BEST3: variants seen among roughly 807,000 people sequenced by gnomAD.
BEST3 encodes bestrophin 3, also known as bestrophin-3.
In BEST3, 50 loss-of-function variants were observed where a neutral mutation model predicts 47.1. The ratio of observed to expected loss-of-function variants is 1.06; its 90% CI spans 0.85 to 1.34. The LOEUF is 1.34. Among genes scored for constraint, BEST3 ranks in the 40% most tolerant of loss-of-function variants. The probability of loss-of-function intolerance (pLI) is 0.00; values close to 1 mark genes in which losing one functional copy is unlikely to be tolerated. For missense variants in BEST3, 765 were observed against 817.0 expected (o/e 0.94, Z 0.78); for synonymous variants, 282 against 298.8 (o/e 0.94, Z 0.58).
intron 9 of BEST3, among the ~76,000 whole-genome samples, chr12:69,656,482 C>G (rs185008809): frequency 1.3e-5 from 2 of 151,936 alleles, no homozygotes; most frequent in Non-Finnish European, 2.9e-5. Flanking sequence ...CCCCCCTTAA[C>G]AATGGATCAT....
intron 4 of BEST3, among the ~76,000 whole-genome samples, chr12:69,690,320 A>G (rs950987160): frequency 1.3e-5 from 2 of 152,236 alleles, no homozygotes; most frequent in Non-Finnish European, 2.9e-5. Context: ...GAAAGGGAAA[A>G]GTCTGAATGC....
intron 9 of BEST3, among the ~76,000 whole-genome samples, chr12:69,658,859 G>A (rs1391078358): frequency 1.3e-5 from 2 of 152,178 alleles, no homozygotes; most frequent in African/African-American, 2.4e-5. Context: ...TCCTTGGACC[G>A]TGCCATGAAG....
chr12:69,684,677 T>G, intron 4 of BEST3: 2 of 571,234 alleles, frequency 3.5e-6, no homozygotes, highest in Non-Finnish European at 6.8e-6. Context: ...TCAGGAAGAG[T>G]GCAACGTGCC....
intron 9 of BEST3, among the ~76,000 whole-genome samples, chr12:69,661,931 G>A (rs1482756031): frequency 1.3e-5 from 2 of 152,248 alleles, no homozygotes; most frequent in East Asian, 3.9e-4. Context: ...CTACCACCCT[G>A]GTTATGTTCT....
chr12:69,654,527 C>A lies in BEST3; in HGVS notation c.*380G>T. 1.0e-6 allele frequency: 1 copy of A among 996,792 alleles called. No homozygotes were observed. Among genetic ancestry groups the A allele is most frequent in the Non-Finnish European group, 1.2e-6 (1 of 837,910 alleles). The allele number at this position is 996,792 out of a possible 1,614,324, so 61.7% of individuals were successfully genotyped here. A position where few individuals can be genotyped will look rare whatever the true frequency, so the allele number is the denominator to read the frequency against. On this transcript the variant is annotated 3_prime_UTR_variant, in exon 10 of 10. Coordinates refer to ENST00000330891, the MANE Select transcript of BEST3 (RefSeq NM_032735.3). ...AGAAAAAAGAAGAGAAATAGAGAAC[C>A]CTGCGTGTCTGGGCCTTTGGGTCTA...
chr12:69,673,089 G>GGAGT (rs1884683502), intron 7 of BEST3, 124 bp from the exon 8 acceptor site: 1 of 681,192 alleles, frequency 1.5e-6, no homozygotes, highest in Non-Finnish European at 2.5e-6. Context: ...AGAGTAGAGG[G>GGAGT]GAGTAGATTG....
intron 8 of BEST3, among the ~76,000 whole-genome samples, 174 bp from the exon 9 acceptor site, chr12:69,671,753 T>C (rs1428988014): frequency 1.3e-5 from 2 of 152,166 alleles, no homozygotes; most frequent in Non-Finnish European, 2.9e-5. Context: ...GAGTTGTATC[T>C]GTTGTTTACT....
intron 7 of BEST3, 96 bp downstream of exon 7, chr12:69,676,820 A>T: frequency 7.7e-7 from 1 of 1,301,986 alleles, no homozygotes; most frequent in Non-Finnish European, 1.1e-6. Flanking sequence ...CCTTTGACTC[A>T]CTCATGAATG....
At chr12:69,658,149 G>A (rs901860166) in intron 9 of BEST3, among the ~76,000 whole-genome samples, 7 of 152,172 alleles carry the variant, frequency 4.6e-5, no homozygotes, top group Admixed American at 2.6e-4. Context: ...TAGGACAGGC[G>A]TCTGTCTTCC....
intron 9 of BEST3, among the ~76,000 whole-genome samples, chr12:69,645,383 T>C (rs1247233372): frequency 6.6e-6 from 1 of 152,202 alleles, no homozygotes; most frequent in African/African-American, 2.4e-5. Flanking sequence ...GAGAATTAAA[T>C]GTGATAAGGT....
In BEST3 at chr12:69,655,776, A is replaced by G; in HGVS notation, c.1138T>C (p.Trp380Arg). 1.9e-6 allele frequency: 3 copies of G among 1,611,536 alleles called. No homozygotes were observed. Among genetic ancestry groups the G allele is most frequent in the Non-Finnish European group, 2.5e-6 (3 of 1,178,586 alleles). ...GSDFPDEEWLWDYEKHGHRHS... is the reference protein window; with the variant it reads ...GSDFPDEEWLRDYEKHGHRHS... ...CGATGGCCATGCTTCTCATAATCCCACAGCCACTCCTCGTCAGGAAAGTCG... is the reference window on the plus strand; with the variant it reads ...CGATGGCCATGCTTCTCATAATCCCGCAGCCACTCCTCGTCAGGAAAGTCG... Residue 380 changes from tryptophan (W) to arginine (R), a missense_variant, in exon 10 of 10, where the codon TGG becomes CGG. Transcript: ENST00000330891.
intron 7 of BEST3, among the ~76,000 whole-genome samples, chr12:69,674,679 T>C (rs1884791210): frequency 1.3e-5 from 2 of 152,240 alleles, no homozygotes; most frequent in Non-Finnish European, 2.9e-5. Flanking sequence ...CTACATTAAA[T>C]TGACAAAATG....
At chr12:69,686,444 A>C (rs1362594275) in intron 4 of BEST3, among the ~76,000 whole-genome samples, 2 of 152,132 alleles carry the variant, frequency 1.3e-5, no homozygotes, top group Non-Finnish European at 2.9e-5. Flanking sequence ...GTCCCAAAAA[A>C]CAGCCTCAAG....
rs183971271 is a variant in BEST3 at position 69,686,010 on chromosome 12, C to T, written c.482-7117G>A. Among the ~76,000 whole-genome samples, 12 of 152,164 alleles carry T rather than the reference C, an allele frequency of 7.9e-5. No homozygotes were observed. The East Asian group carries it at 9.7e-4, about 12-fold the overall frequency. ...TCACAGGATGACATTCTGTCTGTTC[C>T]GGGCTCATCATGTGAGACTACAGAG... On this transcript the variant is annotated intron_variant, in intron 4 of 9. Coordinates refer to ENST00000330891, the MANE Select transcript of BEST3 (RefSeq NM_032735.3).
At chr12:69,674,277 G>A (rs1445272391) in intron 7 of BEST3, among the ~76,000 whole-genome samples, 2 of 152,114 alleles carry the variant, frequency 1.3e-5, no homozygotes, top group African/African-American at 4.8e-5. Flanking sequence ...AATACTTAGA[G>A]CAGTGTTTTT....
intron 9 of BEST3, among the ~76,000 whole-genome samples, chr12:69,662,840 G>T (rs965491633): frequency 4.6e-5 from 7 of 152,162 alleles, no homozygotes; most frequent in Admixed American, 3.9e-4. Flanking sequence ...CTTTAAATGG[G>T]ATTACAGTCA....
intron 9 of BEST3, among the ~76,000 whole-genome samples, chr12:69,647,387 A>T (rs1258264648): frequency 6.6e-6 from 1 of 152,190 alleles, no homozygotes; most frequent in South Asian, 2.1e-4. Context: ...CTGAAAGGGG[A>T]AACGTCACCA....
intron 4 of BEST3, among the ~76,000 whole-genome samples, chr12:69,680,390 G>A (rs1435658664): frequency 6.8e-6 from 1 of 146,268 alleles, no homozygotes; most frequent in Non-Finnish European, 1.5e-5. Flanking sequence ...CTCACTGCAA[G>A]CTCTGCCTCC....
intron 4 of BEST3, among the ~76,000 whole-genome samples, chr12:69,679,914 CGTGTGTGTGTGT>C (rs35274840): frequency 1.3e-5 from 2 of 150,140 alleles, no homozygotes; most frequent in South Asian, 4.2e-4. Flanking sequence ...TGTATGCATG[CGTGTGTGTGTGT>C]GTGTGTGTGT....
Sources: allele counts gnomAD v4.1 joint callset (sites outside exome capture counted in the v4.1 genomes callset), GRCh38; gene constraint gnomAD v4.1.1; transcripts MANE v1.5; gene names NCBI Gene and HGNC (gene_info 2026-07-23, HGNC 2026-07-21).